L3MBTL4: variants seen among roughly 807,000 people sequenced by gnomAD.
L3MBTL4 encodes L3MBTL histone methyl-lysine binding protein 4.
Under a neutral mutation model 84.5 loss-of-function variants are expected in L3MBTL4, and 70 were observed. That is an observed-to-expected ratio of 0.83 (90% CI 0.68 to 1.01). L3MBTL4 has a LOEUF of 1.01. L3MBTL4 is among the 50% of genes least tolerant of loss of function. L3MBTL4 has a pLI of 0.00. For synonymous variants in L3MBTL4, 274 were observed against 259.8 expected, an observed-to-expected ratio of 1.05 and a Z score of -0.52; for missense variants, 715 against 754.8, an observed-to-expected ratio of 0.95 and a Z score of 0.62.
intron 1 of L3MBTL4, among the ~76,000 whole-genome samples, chr18:6,393,910 C>G (rs1362217648): frequency 6.6e-6 from 1 of 152,152 alleles, no homozygotes; most frequent in Admixed American, 6.5e-5. Flanking sequence ...ACAGAGCACT[C>G]CATCACCTCT....
chr18:5,974,272 G>T (rs981100139), intron 16 of L3MBTL4, among the ~76,000 whole-genome samples: 1 of 152,188 alleles, frequency 6.6e-6, no homozygotes, highest in African/African-American at 2.4e-5. Flanking sequence ...AGGCCAATAT[G>T]TTCAGATATG....
At position 6,257,390 on chromosome 18, in the gene L3MBTL4, G is replaced by C. The variant is rs145250187; in HGVS notation, c.219+6557C>G. Among the ~76,000 whole-genome samples the C allele has an allele frequency of 3.4e-3, 517 of 152,022 alleles. 4 individuals carry two copies. Among genetic ancestry groups the C allele is most frequent in the South Asian group, 0.03 (144 of 4,774 alleles). ...AACCACACAGAATGGCACAGGTTAA[G>C]GCAGTTAAGGAGCTGGATGAACTGA... is the stretch of plus-strand genomic sequence containing the variant. On this transcript the variant is annotated intron_variant, in intron 5 of 18. Coordinates refer to ENST00000317931, the MANE Select transcript of L3MBTL4 (RefSeq NM_001330559.2).
At chr18:6,280,685 G>C (rs2049283548) in intron 4 of L3MBTL4, among the ~76,000 whole-genome samples, 1 of 152,206 alleles carries the variant, frequency 6.6e-6, no homozygotes, top group Admixed American at 6.5e-5. Context: ...TAAGGTCCTT[G>C]AGATGGAGAG....
chr18:6,063,017 C>T (rs1488680496), intron 16 of L3MBTL4, among the ~76,000 whole-genome samples: 2 of 151,774 alleles, frequency 1.3e-5, no homozygotes, highest in Admixed American at 1.3e-4. Context: ...CCCCAGAGTC[C>T]ATTATATCAC....
rs146793205 is a variant in L3MBTL4, at chr18:6,125,166, G to A, written c.1199+13028C>T. Among the ~76,000 whole-genome samples the A allele has an allele frequency of 3.2e-3, 484 of 151,880 alleles. 2 individuals carry two copies. The highest frequency in any genetic ancestry group is 0.011 in the African/African-American group (445 of 41,436). The stretch of plus-strand genomic sequence containing the variant: ...TAGAAATTATTAACTAACAAAATGC[G>A]GAAGGAAGGAGGAAAGGAAGGAAGG... On this transcript the variant is annotated intron_variant, in intron 14 of 18. Coordinates refer to ENST00000317931, the MANE Select transcript of L3MBTL4 (RefSeq NM_001330559.2).
intron 4 of L3MBTL4, among the ~76,000 whole-genome samples, chr18:6,268,176 C>T (rs1320316629): frequency 3.3e-5 from 5 of 152,186 alleles, no homozygotes; most frequent in East Asian, 3.9e-4. Context: ...GAGGCCAAGG[C>T]GGTTGAATCA....
At chr18:6,147,504 T>A (rs1316468509) in intron 13 of L3MBTL4, among the ~76,000 whole-genome samples, 1 of 152,160 alleles carries the variant, frequency 6.6e-6, no homozygotes, top group Non-Finnish European at 1.5e-5. Context: ...AAAAGAATTT[T>A]AAAAGGTTCC....
intron 4 of L3MBTL4, among the ~76,000 whole-genome samples, chr18:6,269,695 T>C (rs1375582507): frequency 6.6e-6 from 1 of 152,224 alleles, no homozygotes; most frequent in African/African-American, 2.4e-5. Context: ...ACTTTTTAAA[T>C]ATGAATTAAG....
intron 16 of L3MBTL4, among the ~76,000 whole-genome samples, chr18:5,996,049 T>G (rs1358721485): frequency 6.6e-6 from 1 of 152,254 alleles, no homozygotes; most frequent in Non-Finnish European, 1.5e-5. Context: ...TTATTATTTT[T>G]GCATCACTCT....
intron 13 of L3MBTL4, among the ~76,000 whole-genome samples, chr18:6,170,772 G>A (rs916830419): frequency 1.3e-5 from 2 of 152,122 alleles, no homozygotes; most frequent in African/African-American, 4.8e-5. Flanking sequence ...AACCATCTCC[G>A]TGACATGCTG....
At chr18:6,040,262 A>G (rs754244252) in intron 16 of L3MBTL4, among the ~76,000 whole-genome samples, 6 of 152,180 alleles carry the variant, frequency 3.9e-5, no homozygotes, top group Non-Finnish European at 7.3e-5. Flanking sequence ...TGGTCTTTCA[A>G]CCAGAAGCAA....
intron 14 of L3MBTL4, among the ~76,000 whole-genome samples, chr18:6,094,438 TA>T (rs2058564514): frequency 6.6e-6 from 1 of 152,126 alleles, no homozygotes; most frequent in South Asian, 2.1e-4. Context: ...AGTGTGACCC[TA>T]AGAATTCACA....
chr18:6,232,816 A>C (rs2047051890), intron 10 of L3MBTL4, among the ~76,000 whole-genome samples: 1 of 152,130 alleles, frequency 6.6e-6, no homozygotes, highest in Non-Finnish European at 1.5e-5. Context: ...ATTTTTTTCC[A>C]TACTCAGTAA....
chr18:5,964,527 G>T (rs1230543198), intron 17 of L3MBTL4, among the ~76,000 whole-genome samples: 5 of 151,600 alleles, frequency 3.3e-5, no homozygotes, highest in Non-Finnish European at 7.4e-5. Context: ...TTTTCTAAGG[G>T]CCCAATTGTA....
chr18:6,179,225 T>C (rs149458225), intron 12 of L3MBTL4, among the ~76,000 whole-genome samples: 1 of 152,342 alleles, frequency 6.6e-6, no homozygotes, highest in East Asian at 1.9e-4. Flanking sequence ...GTCAGAGTCC[T>C]CAAATCTATT....
intron 16 of L3MBTL4, chr18:6,030,843 C>T (rs8085792): frequency 0.65 from 644,610 of 984,230 alleles, 217,394 homozygotes; most frequent in Non-Finnish European, 0.7. Flanking sequence ...GGCACACTAA[C>T]ATGAAACATA....
At chr18:6,287,210 T>C (rs2049633613) in intron 4 of L3MBTL4, among the ~76,000 whole-genome samples, 2 of 152,176 alleles carry the variant, frequency 1.3e-5, no homozygotes, top group Non-Finnish European at 2.9e-5. Context: ...CTCCAGCTGA[T>C]AGCATGCTTA....
chr18:6,147,090 T>TTCAA (rs1042090341), intron 13 of L3MBTL4, among the ~76,000 whole-genome samples: 1 of 151,506 alleles, frequency 6.6e-6, no homozygotes, highest in African/African-American at 2.4e-5. Context: ...ACTGTTCAAT[T>TTCAA]ATGCACTCTT....
intron 5 of L3MBTL4, among the ~76,000 whole-genome samples, chr18:6,250,940 G>T (rs976763576): frequency 6.6e-6 from 1 of 152,190 alleles, no homozygotes; most frequent in Non-Finnish European, 1.5e-5. Flanking sequence ...TATTTTAAAT[G>T]TAAAGGGTGA....
Sources: allele counts gnomAD v4.1 joint callset (sites outside exome capture counted in the v4.1 genomes callset), GRCh38; gene constraint gnomAD v4.1.1; transcripts MANE v1.5; gene names NCBI Gene and HGNC (gene_info 2026-07-23, HGNC 2026-07-21).